Variants in CALCRL observed in about 807,000 individuals in gnomAD.
CALCRL encodes calcitonin receptor like receptor.
In CALCRL, 27 loss-of-function variants were observed where a neutral mutation model predicts 60.4. The observed-to-expected ratio is 0.45, with a 90% CI of 0.33 to 0.62. The LOEUF (loss-of-function observed/expected upper bound fraction) is 0.62. Ranked by LOEUF, CALCRL falls within the 20% of genes least tolerant of loss-of-function variation. The pLI is 0.03. For missense variants in CALCRL, 424 were observed against 540.7 expected (o/e 0.78, Z 2.14); for synonymous variants, 190 against 182.6 (o/e 1.04, Z -0.33).
At chr2:187,348,630 C>A (rs574874349) in intron 14 of CALCRL, among the ~76,000 whole-genome samples, 9 of 151,530 alleles carry the variant, frequency 5.9e-5, no homozygotes, top group Non-Finnish European at 1.0e-4. Flanking sequence ...TTCTTCCTTG[C>A]AACTAAATCA....
chr2:187,418,859 C>CT lies in CALCRL; in HGVS notation c.-293+29179dup, dbSNP rs369436031. On this transcript the variant is annotated intron_variant, in intron 1 of 14. Transcript: ENST00000392370. ...AACTTGTGTTTTTTTTTCTTTTTTT[C>CT]TTTTTTTTTTTTTTTTAGATGGAGT... Among the ~76,000 whole-genome samples the CT allele has an allele frequency of 3.0e-3, 364 of 120,004 alleles. 3 individuals carry two copies. The highest frequency in any genetic ancestry group is 6.7e-3 in the African/African-American group (216 of 32,106). 78.7% of individuals were successfully genotyped at this position (120,004 alleles called of 152,430 possible).
At chr2:187,370,633 C>T (rs1687478892) in intron 8 of CALCRL, among the ~76,000 whole-genome samples, 1 of 152,024 alleles carries the variant, frequency 6.6e-6, no homozygotes, top group Non-Finnish European at 1.5e-5. Context: ...TTATCTAATT[C>T]AGTTACTGTA....
intron 7 of CALCRL, among the ~76,000 whole-genome samples, chr2:187,379,919 A>G (rs1423306668): frequency 6.6e-6 from 1 of 152,198 alleles, no homozygotes; most frequent in Non-Finnish European, 1.5e-5. Flanking sequence ...TGCCTCTATT[A>G]CAAACACATG....
At chr2:187,415,764 C>A in intron 1 of CALCRL, 1 of 490,102 alleles carries the variant, frequency 2.0e-6, no homozygotes, top group Non-Finnish European at 3.7e-6. Flanking sequence ...ACCACTTTGT[C>A]AAGCTCATTT....
At chr2:187,361,070 TA>T (rs1315181808) in intron 9 of CALCRL, among the ~76,000 whole-genome samples, 1 of 152,090 alleles carries the variant, frequency 6.6e-6, no homozygotes, top group South Asian at 2.1e-4. Context: ...GTGTCACACA[TA>T]AATAACTTTA....
intron 1 of CALCRL, among the ~76,000 whole-genome samples, chr2:187,446,328 G>A (rs900852774): frequency 1.3e-5 from 2 of 151,708 alleles, no homozygotes; most frequent in Non-Finnish European, 3.0e-5. Context: ...TTCCAGTTAT[G>A]TCCTCAAATA....
At chr2:187,440,451 A>AT (rs1184169467) in intron 1 of CALCRL, among the ~76,000 whole-genome samples, 3 of 152,188 alleles carry the variant, frequency 2.0e-5, no homozygotes, top group Non-Finnish European at 1.5e-5. Flanking sequence ...TTAATGAAAC[A>AT]TTGAGATGGA....
intron 9 of CALCRL, 44 bp downstream of exon 9, chr2:187,363,332 C>G (rs772030448): frequency 2.6e-6 from 4 of 1,567,406 alleles, no homozygotes; most frequent in Non-Finnish European, 2.6e-6. Flanking sequence ...TTCCCCCTTT[C>G]CCATTAGGCC....
chr2:187,419,909 A>G (rs1689796834), intron 1 of CALCRL, among the ~76,000 whole-genome samples: 1 of 152,220 alleles, frequency 6.6e-6, no homozygotes, highest in South Asian at 2.1e-4. Flanking sequence ...GATATGATTA[A>G]TAACTGTTAG....
At chr2:187,360,486 A>T in intron 10 of CALCRL, 112 bp downstream of exon 10, 2 of 889,756 alleles carry the variant, frequency 2.2e-6, no homozygotes, top group Non-Finnish European at 1.6e-6. Context: ...TAATCACCTG[A>T]TATTCTTTAA....
intron 1 of CALCRL, among the ~76,000 whole-genome samples, chr2:187,393,774 C>T (rs1378159865): frequency 6.6e-6 from 1 of 152,018 alleles, no homozygotes; most frequent in East Asian, 1.9e-4. Flanking sequence ...AAGATCATTG[C>T]CTCGATTCTA....
At chr2:187,414,012 G>GTGAC in intron 1 of CALCRL, among the ~76,000 whole-genome samples, 1 of 152,070 alleles carries the variant, frequency 6.6e-6, no homozygotes, top group Non-Finnish European at 1.5e-5. Flanking sequence ...TATCCTATAT[G>GTGAC]TGACTATTAC....
chr2:187,393,595 C>A (rs2105807230), intron 1 of CALCRL, among the ~76,000 whole-genome samples: 1 of 152,184 alleles, frequency 6.6e-6, no homozygotes, highest in South Asian at 2.1e-4. Flanking sequence ...GCAGCATATT[C>A]ATCTCCGGGG....
At chr2:187,366,917 ACC>A (rs35663191) in intron 8 of CALCRL, among the ~76,000 whole-genome samples, 32,800 of 71,800 alleles carry the variant, frequency 0.46, 4,059 homozygotes, top group South Asian at 0.53. Flanking sequence ...TGTGAGTATA[ACC>A]CCACACACAC....
intron 3 of CALCRL, among the ~76,000 whole-genome samples, chr2:187,386,625 G>A (rs1261294346): frequency 1.3e-5 from 2 of 152,078 alleles, no homozygotes; most frequent in Non-Finnish European, 2.9e-5. Flanking sequence ...AAGAAATGCT[G>A]GAGTGTTTTT....
intron 1 of CALCRL, among the ~76,000 whole-genome samples, chr2:187,427,726 C>A (rs1030807546): frequency 6.6e-6 from 1 of 152,042 alleles, no homozygotes; most frequent in African/African-American, 2.4e-5. Context: ...AAGAATTCTC[C>A]TCTCCATGAA....
At chr2:187,347,884 A>C (rs1288228179) in intron 14 of CALCRL, among the ~76,000 whole-genome samples, 1 of 151,826 alleles carries the variant, frequency 6.6e-6, no homozygotes. Context: ...ATTATCAGTT[A>C]ATTTCACTCT....
chr2:187,383,250 A>G lies in CALCRL; in HGVS notation c.107T>C (p.Val36Ala). The G allele has an allele frequency of 2.5e-6, 4 of 1,611,824 alleles. No individual in the cohort carries two copies. The highest frequency in any genetic ancestry group is 1.7e-6 in the Non-Finnish European group (2 of 1,179,136). The change falls in exon 5 of 15, where the codon GTT becomes GCT. Residue 36 changes from valine to alanine, a missense_variant. Val to Ala is a moderately conservative substitution (Grantham distance 64). Transcript: ENST00000392370. ...ESPEDSIQLG[V>A]TRNKIMTAQY... The stretch of plus-strand genomic sequence containing the variant: ...AGCTGTCATGATTTTATTTCTAGTA[A>G]CTCCCAACTGAATTGAGTCCTCAGG...
chr2:187,439,501 AC>A (rs1480346224), intron 1 of CALCRL, among the ~76,000 whole-genome samples: 1 of 152,090 alleles, frequency 6.6e-6, no homozygotes, highest in Non-Finnish European at 1.5e-5. Flanking sequence ...AAACAAACAA[AC>A]AAAAAACCAA....
Sources: gnomAD v4.1 joint callset for allele counts (sites outside exome capture counted in the v4.1 genomes callset) on GRCh38, gnomAD v4.1.1 for gene constraint, MANE v1.5 for transcripts, NCBI Gene and HGNC (gene_info 2026-07-23, HGNC 2026-07-21) for gene names.